Variants in PCDHA7 observed in about 807,000 individuals in gnomAD.
PCDHA7 encodes the protein protocadherin alpha 7.
Under a neutral mutation model 57.2 loss-of-function variants are expected in PCDHA7, and 37 were observed. That is an observed-to-expected ratio of 0.65 (90% CI 0.50 to 0.85). The LOEUF (loss-of-function observed/expected upper bound fraction) is 0.85, where lower values mean the gene tolerates loss of function less well. Ranked by LOEUF, PCDHA7 falls within the 40% of genes least tolerant of loss-of-function variation. PCDHA7 has a pLI of 0.00. For synonymous variants in PCDHA7, 553 were observed against 558.8 expected, an observed-to-expected ratio of 0.99 and a Z score of 0.15; for missense variants, 1,188 against 1,241.8, an observed-to-expected ratio of 0.96 and a Z score of 0.65.
At chr5:140,947,767 C>A (rs1585277827) in intron 1 of PCDHA7, among the ~76,000 whole-genome samples, 1 of 151,486 alleles carries the variant, frequency 6.6e-6, no homozygotes, top group East Asian at 1.9e-4. Context: ...TTAAAAAATT[C>A]TATTGTAAAT....
intron 1 of PCDHA7, chr5:140,860,894 C>A (rs1220238688): frequency 1.3e-5 from 2 of 152,314 alleles, no homozygotes; most frequent in African/African-American, 2.4e-5. Context: ...CCCGCCAACA[C>A]GCCAGGCTAA....
intron 3 of PCDHA7, among the ~76,000 whole-genome samples, chr5:141,003,288 T>C (rs2098118136): frequency 2.0e-5 from 3 of 152,182 alleles, no homozygotes; most frequent in African/African-American, 7.2e-5. Context: ...AATTGGATTA[T>C]AGGATTACAT....
In PCDHA7 at chr5:141,010,336, G is replaced by A. The variant is rs1297379181; in HGVS notation, c.*399G>A. ...AGATTGAGCAGCTTGGGAGTTTGTG[G>A]CCACTGGGTATGTGTGGCTACCGCG... On this transcript the variant is annotated 3_prime_UTR_variant, in exon 4 of 4. Coordinates refer to ENST00000525929, the MANE Select transcript of PCDHA7 (RefSeq NM_018910.3). 25 of 1,535,806 alleles carry A rather than the reference G, an allele frequency of 1.6e-5. No individual in the cohort carries two copies. The highest frequency in any genetic ancestry group is 2.2e-5 in the Non-Finnish European group (25 of 1,141,450).
chr5:140,866,884 T>C (rs1016288169), intron 1 of PCDHA7: 1 of 152,130 alleles, frequency 6.6e-6, no homozygotes, highest in Non-Finnish European at 1.5e-5. Flanking sequence ...TATTAGCCTA[T>C]ACCCAGATAT....
chr5:140,913,448 G>A (rs185287281), intron 1 of PCDHA7, among the ~76,000 whole-genome samples: 8 of 152,012 alleles, frequency 5.3e-5, no homozygotes, highest in African/African-American at 1.2e-4. Flanking sequence ...TTTCAGCTCC[G>A]ATTTTATTTA....
At chr5:140,856,737 T>C (rs369958206) in intron 1 of PCDHA7, 7 of 1,595,910 alleles carry the variant, frequency 4.4e-6, no homozygotes, top group African/African-American at 1.3e-5. Context: ...CTGCTGATCC[T>C]GGTGTTAGAT....
In PCDHA7 at chr5:140,848,449, A is replaced by C. The variant is rs2150410589; in HGVS notation, c.2355+11711A>C. The C allele has an allele frequency of 8.6e-6, 13 of 1,509,804 alleles. 2 individuals are homozygous for C. In the Admixed American group the frequency reaches 2.4e-4, roughly 28 times the overall value. The allele number at this position is 1,509,804 out of a possible 1,614,324, so 93.5% of individuals were successfully genotyped here. On this transcript the variant is annotated intron_variant, in intron 1 of 3. Coordinates refer to ENST00000525929, the MANE Select transcript of PCDHA7 (RefSeq NM_018910.3). ...CTGACGAAATCAGATGATTTCTTCT[A>C]ATTTGGAGGCAATTTTCACTAATTA...
chr5:140,877,547 C>T lies in PCDHA7; in HGVS notation c.2355+40809C>T, dbSNP rs782342116. ...GTGGGCGCTGTGGATCCCGAAGCGG[C>T]TCTGGTGGATATTAACGTGTACCTC... On this transcript the variant is annotated intron_variant, in intron 1 of 3. Transcript: ENST00000525929. The T allele has an allele frequency of 2.5e-6, 4 of 1,613,656 alleles. No individual in the cohort carries two copies. The highest frequency in any genetic ancestry group is 1.3e-5 in the African/African-American group (1 of 74,930).
chr5:140,866,283 G>A (rs1554160187), intron 1 of PCDHA7: 1 of 152,094 alleles, frequency 6.6e-6, no homozygotes, highest in Non-Finnish European at 1.5e-5. Context: ...GACAGTGTTT[G>A]GGACAAGTAT....
At chr5:140,984,588 T>C (rs1338170509) in intron 3 of PCDHA7, among the ~76,000 whole-genome samples, 1 of 152,170 alleles carries the variant, frequency 6.6e-6, no homozygotes, top group Non-Finnish European at 1.5e-5. Flanking sequence ...AATCATACTT[T>C]TCAATACATA....
intron 1 of PCDHA7, chr5:140,842,742 T>C: frequency 6.3e-7 from 1 of 1,594,970 alleles, no homozygotes; most frequent in Non-Finnish European, 8.6e-7. Context: ...GGCTGCCACA[T>C]CTTCACGGTG....
At chr5:140,857,532 AGCGGCG>A (rs1230491450) in intron 1 of PCDHA7, 2 of 1,597,258 alleles carry the variant, frequency 1.3e-6, no homozygotes, top group African/African-American at 2.7e-5. Flanking sequence ...TCTCTGGTGG[AGCGGCG>A]GTTGGGCGAG....
intron 1 of PCDHA7, among the ~76,000 whole-genome samples, chr5:140,937,093 A>G (rs1466127180): frequency 6.8e-6 from 1 of 146,414 alleles, no homozygotes; most frequent in African/African-American, 2.6e-5. Context: ...GCTGGAGTGC[A>G]GTGGCGCAGT....
chr5:140,882,382 A>G (rs782774831), intron 1 of PCDHA7: 5 of 1,614,092 alleles, frequency 3.1e-6, no homozygotes, highest in Non-Finnish European at 4.2e-6. Context: ...TCCCCGAGGA[A>G]GCAAAACACG....
intron 1 of PCDHA7, chr5:140,848,792 C>CAG (rs2150420729): frequency 1.3e-6 from 2 of 1,592,840 alleles, no homozygotes; most frequent in Non-Finnish European, 8.6e-7. Context: ...GCGGGCGGAG[C>CAG]GCGGAGTGCA....
At chr5:140,984,824 C>A (rs920985683) in intron 3 of PCDHA7, among the ~76,000 whole-genome samples, 1 of 152,098 alleles carries the variant, frequency 6.6e-6, no homozygotes, top group Non-Finnish European at 1.5e-5. Context: ...TCTTAATTAC[C>A]CTTTCTGTAA....
chr5:140,857,703 T>C (rs782327503), intron 1 of PCDHA7: 6 of 1,597,222 alleles, frequency 3.8e-6, no homozygotes, highest in Middle Eastern at 1.8e-4. Flanking sequence ...ACGCTGCAGG[T>C]GTTCGTGCTG....
intron 1 of PCDHA7, chr5:140,858,416 G>A (rs1301119075): frequency 6.4e-7 from 1 of 1,560,804 alleles, no homozygotes; most frequent in African/African-American, 1.4e-5. Context: ...TCAGTCTATT[G>A]GAGGGGACCA....
Position 140,856,234 on chromosome 5 carries a change from G to A in PCDHA7, c.2355+19496G>A. On this transcript the variant is annotated intron_variant, in intron 1 of 3. Transcript: ENST00000525929. ...AGCTGGCGGAGCTGGTGCAGCGCCT[G>A]TTCCGGGTGGCGTCCAAAAGACACG... 3 of 1,598,040 alleles carry A rather than the reference G, an allele frequency of 1.9e-6. 1 individual carries two copies. Among genetic ancestry groups the A allele is most frequent in the Non-Finnish European group, 2.6e-6 (3 of 1,167,878 alleles).
Sources: gnomAD v4.1 joint callset for allele counts (sites outside exome capture counted in the v4.1 genomes callset) on GRCh38, gnomAD v4.1.1 for gene constraint, MANE v1.5 for transcripts, NCBI Gene and HGNC (gene_info 2026-07-23, HGNC 2026-07-21) for gene names.